Variants in GALNT17 observed in about 807,000 individuals in gnomAD.
GALNT17 encodes the protein polypeptide N-acetylgalactosaminyltransferase 17, also known as UDP-GalNAc:polypeptide N-acetylgalactosaminyltransferase-like 3.
Under a neutral mutation model 63.7 loss-of-function variants are expected in GALNT17, and 29 were observed. The observed-to-expected ratio is 0.46, with a 90% CI of 0.34 to 0.62. The LOEUF is 0.62. Ranked by LOEUF, GALNT17 falls within the 20% of genes least tolerant of loss-of-function variation. The probability of loss-of-function intolerance (pLI) is 0.01; values close to 1 mark genes in which losing one functional copy is unlikely to be tolerated. For missense variants in GALNT17, 603 were observed against 799.6 expected (o/e 0.75, Z 2.97); for synonymous variants, 305 against 318.3 (o/e 0.96, Z 0.45).
At chr7:71,582,914 A>G (rs1403207018) in intron 6 of GALNT17, among the ~76,000 whole-genome samples, 3 of 152,170 alleles carry the variant, frequency 2.0e-5, no homozygotes, top group African/African-American at 7.2e-5. Flanking sequence ...AATCGCCACT[A>G]AAGAACTTAC....
intron 6 of GALNT17, among the ~76,000 whole-genome samples, chr7:71,606,877 G>T (rs1021892221): frequency 6.6e-6 from 1 of 152,136 alleles, no homozygotes; most frequent in Non-Finnish European, 1.5e-5. Flanking sequence ...AGCCATATGC[G>T]GTATGAATGC....
At chr7:71,515,527 G>A (rs1029229818) in intron 5 of GALNT17, among the ~76,000 whole-genome samples, 5 of 152,088 alleles carry the variant, frequency 3.3e-5, no homozygotes, top group Non-Finnish European at 5.9e-5. Context: ...TTCGAGGTTG[G>A]GCTTCTAAGG....
chr7:71,372,507 A>C (rs958793602), intron 2 of GALNT17, among the ~76,000 whole-genome samples: 1 of 152,022 alleles, frequency 6.6e-6, no homozygotes, highest in Non-Finnish European at 1.5e-5. Context: ...TCTGTTACCC[A>C]GTGGTAACAT....
chr7:71,294,101 G>A (rs962216296), intron 1 of GALNT17, among the ~76,000 whole-genome samples: 2 of 151,248 alleles, frequency 1.3e-5, no homozygotes, highest in Non-Finnish European at 2.9e-5. Flanking sequence ...GGTGGAGCTT[G>A]CAGTGAGCCG....
intron 8 of GALNT17, among the ~76,000 whole-genome samples, chr7:71,674,242 C>G (rs929982113): frequency 1.3e-5 from 2 of 152,008 alleles, no homozygotes; most frequent in Admixed American, 6.6e-5. Context: ...CCTTTTCTAC[C>G]TGCTGAGTAT....
At chr7:71,263,274 A>G (rs910589063) in intron 1 of GALNT17, among the ~76,000 whole-genome samples, 5 of 151,792 alleles carry the variant, frequency 3.3e-5, no homozygotes, top group African/African-American at 4.8e-5. Context: ...CAGGAGAATC[A>G]TTTGAACCCG....
At chr7:71,463,797 C>G (rs552015873) in intron 5 of GALNT17, among the ~76,000 whole-genome samples, 2 of 152,302 alleles carry the variant, frequency 1.3e-5, no homozygotes, top group East Asian at 3.9e-4. Context: ...CATGCTAATG[C>G]ATTATAGTTA....
intron 3 of GALNT17, among the ~76,000 whole-genome samples, chr7:71,396,004 A>C (rs10245173): frequency 0.042 from 6,433 of 152,244 alleles, 246 homozygotes; most frequent in African/African-American, 0.1. Context: ...ATCTTTATCA[A>C]ATATTCTGCA....
At chr7:71,646,574 T>G (rs1036186365) in intron 6 of GALNT17, among the ~76,000 whole-genome samples, 29 of 152,174 alleles carry the variant, frequency 1.9e-4, no homozygotes, top group Non-Finnish European at 3.5e-4. Context: ...TGTAGTTCCT[T>G]GCATGCATAA....
intron 1 of GALNT17, among the ~76,000 whole-genome samples, chr7:71,332,517 G>A (rs542526181): frequency 6.6e-6 from 1 of 152,146 alleles, no homozygotes; most frequent in South Asian, 2.1e-4. Context: ...TTTCTTGCAA[G>A]GTCACCTATA....
intron 5 of GALNT17, among the ~76,000 whole-genome samples, chr7:71,496,361 G>A (rs1467294930): frequency 6.6e-6 from 1 of 152,056 alleles, no homozygotes; most frequent in Admixed American, 6.6e-5. Flanking sequence ...TGGTGGGGGT[G>A]GGGAGACATC....
chr7:71,328,036 T>C (rs1239487461), intron 1 of GALNT17, among the ~76,000 whole-genome samples: 1 of 152,170 alleles, frequency 6.6e-6, no homozygotes, highest in Non-Finnish European at 1.5e-5. Context: ...CCTATAGGTC[T>C]TTCTCCTAGA....
At chr7:71,344,422 G>A (rs1244108734) in intron 2 of GALNT17, among the ~76,000 whole-genome samples, 1 of 152,140 alleles carries the variant, frequency 6.6e-6, no homozygotes, top group Non-Finnish European at 1.5e-5. Flanking sequence ...ATTGAATTGT[G>A]GAAGAAAAAT....
chr7:71,681,621 C>T (rs1283730532), intron 9 of GALNT17, among the ~76,000 whole-genome samples: 1 of 152,210 alleles, frequency 6.6e-6, no homozygotes, highest in Non-Finnish European at 1.5e-5. Context: ...GCCGGATCAT[C>T]CTTTTAGGCA....
intron 5 of GALNT17, among the ~76,000 whole-genome samples, chr7:71,489,650 A>G (rs540653283): frequency 1.3e-5 from 2 of 152,364 alleles, no homozygotes; most frequent in South Asian, 4.1e-4. Context: ...CCAGCCAACG[A>G]GACATGGGAT....
chr7:71,427,779 G>A (rs1786786479), intron 5 of GALNT17, among the ~76,000 whole-genome samples: 1 of 152,002 alleles, frequency 6.6e-6, no homozygotes, highest in Admixed American at 6.6e-5. Flanking sequence ...ACAGCCTCTT[G>A]CCATCTCCCA....
rs1171682628 is a variant in GALNT17, at chr7:71,633,208, G to GA, written c.1081-32199dup. Among the ~76,000 whole-genome samples the GA allele has an allele frequency of 4.0e-5, 6 of 151,846 alleles. No homozygotes were observed. The East Asian group carries it at 1.2e-3, about 29-fold the overall frequency. On this transcript the variant is annotated intron_variant, in intron 6 of 10. Coordinates refer to ENST00000333538, the MANE Select transcript of GALNT17 (RefSeq NM_022479.3). The stretch of plus-strand genomic sequence containing the variant: ...ATGGCACTGGGAAGGTGTCAGTGAA[G>GA]AAAACATAGTCCCTGCCATTCTCAC...
At chr7:71,368,534 T>C (rs1242526348) in intron 2 of GALNT17, among the ~76,000 whole-genome samples, 1 of 152,156 alleles carries the variant, frequency 6.6e-6, no homozygotes. Context: ...CTGGGCCCCG[T>C]TGATCTCCTT....
chr7:71,320,132 T>A (rs531172094), intron 1 of GALNT17, among the ~76,000 whole-genome samples: 1 of 152,198 alleles, frequency 6.6e-6, no homozygotes, highest in African/African-American at 2.4e-5. Flanking sequence ...GTTGAGCAGA[T>A]ACATACTCTC....
Sources: gnomAD v4.1 joint callset for allele counts (sites outside exome capture counted in the v4.1 genomes callset) on GRCh38, gnomAD v4.1.1 for gene constraint, MANE v1.5 for transcripts, NCBI Gene and HGNC (gene_info 2026-07-23, HGNC 2026-07-21) for gene names.